Variants in GSK3B observed in about 807,000 individuals in gnomAD.
The protein encoded by GSK3B is glycogen synthase kinase 3 beta, also known as glycogen synthase kinase-3 beta.
A neutral mutation model predicts 56.4 loss-of-function variants in GSK3B; 15 were observed. That is an observed-to-expected ratio of 0.27 (90% confidence interval 0.18 to 0.41). The LOEUF (loss-of-function observed/expected upper bound fraction) is 0.41. Among genes scored for constraint, GSK3B ranks in the 10% least tolerant of loss-of-function variants. GSK3B has a pLI of 1.00. For missense variants in GSK3B, 300 were observed against 513.4 expected, an observed-to-expected ratio of 0.58 and a Z score of 4.02; for synonymous variants, 181 against 188.9, an observed-to-expected ratio of 0.96 and a Z score of 0.34.
chr3:119,876,979 T>A (rs1005586535), intron 7 of GSK3B, among the ~76,000 whole-genome samples: 1 of 152,154 alleles, frequency 6.6e-6, no homozygotes, highest in Non-Finnish European at 1.5e-5. Context: ...TGTTTATATA[T>A]TATCCAGTCT....
chr3:119,952,540 C>A (rs2057168615), intron 2 of GSK3B, among the ~76,000 whole-genome samples: 2 of 148,310 alleles, frequency 1.3e-5, no homozygotes, highest in Non-Finnish European at 3.0e-5. Flanking sequence ...ATCAATGAAC[C>A]CAAAATATGA....
Position 119,824,054 on chromosome 3 carries a change from TC to T in GSK3B, c.*2733del, listed in dbSNP as rs2107988812. The T allele has an allele frequency of 4.9e-6, 1 of 203,300 alleles. No individual in the cohort carries two copies. The highest frequency in any genetic ancestry group is 1.9e-4 in the South Asian group (1 of 5,260). 12.6% of individuals were successfully genotyped at this position (203,300 alleles called of 1,614,324 possible). A position where few individuals can be genotyped will look rare whatever the true frequency, so the allele number is the denominator to read the frequency against. ...AAACTATATGGCTTTAAAAAGCTCGTCTACATTTTGTCTGATTATTAAACAG... is the reference window on the plus strand; with the variant it reads ...AAACTATATGGCTTTAAAAAGCTCGTTACATTTTGTCTGATTATTAAACAG... On this transcript the variant is annotated 3_prime_UTR_variant, in exon 11 of 11. Transcript: ENST00000264235.
chr3:119,862,524 T>TAAAA (rs5852229), intron 9 of GSK3B, among the ~76,000 whole-genome samples: 364 of 109,860 alleles, frequency 3.3e-3, no homozygotes, highest in East Asian at 4.8e-3. Context: ...TAGAGTATAA[T>TAAAA]AAAAAAAAAA....
chr3:119,839,568 G>A (rs542257245), intron 10 of GSK3B, among the ~76,000 whole-genome samples: 2 of 152,260 alleles, frequency 1.3e-5, no homozygotes, highest in African/African-American at 4.8e-5. Context: ...ATGATGCTGA[G>A]CAACAACAGG....
chr3:119,981,523 C>T (rs563916018), intron 2 of GSK3B, among the ~76,000 whole-genome samples: 1 of 152,362 alleles, frequency 6.6e-6, no homozygotes, highest in African/African-American at 2.4e-5. Context: ...GTCTTAGCAC[C>T]CGCTGACAAG....
At chr3:119,954,949 G>A (rs955978730) in intron 2 of GSK3B, among the ~76,000 whole-genome samples, 3 of 152,120 alleles carry the variant, frequency 2.0e-5, no homozygotes, top group African/African-American at 7.2e-5. Context: ...TGTATGATGG[G>A]CAGCATGTGG....
intron 8 of GSK3B, among the ~76,000 whole-genome samples, chr3:119,871,018 A>C (rs1223611555): frequency 6.6e-6 from 1 of 152,208 alleles, no homozygotes; most frequent in Admixed American, 6.5e-5. Flanking sequence ...AGGCATTTTA[A>C]TAATACATTG....
In GSK3B at chr3:120,079,305, T is replaced by TACAC. The variant is rs61338597; in HGVS notation, c.88+14038_88+14041dup. On this transcript the variant is annotated intron_variant, in intron 1 of 10. Coordinates refer to ENST00000264235, the MANE Select transcript of GSK3B (RefSeq NM_001146156.2). ...ATTTTCTACAACCTTGACAGGAAATTACACACACACACACACACACACACA... is the reference window on the plus strand; with the variant it reads ...ATTTTCTACAACCTTGACAGGAAATTACACACACACACACACACACACACACACA... Among the ~76,000 whole-genome samples the TACAC allele has an allele frequency of 2.1e-3, 269 of 128,476 alleles. 2 individuals carry two copies. Among genetic ancestry groups the TACAC allele is most frequent in the East Asian group, 0.018 (73 of 4,064 alleles). The allele number at this position is 128,476 out of a possible 152,430, so 84.3% of individuals were successfully genotyped here.
chr3:119,978,385 T>C (rs1482775790), intron 2 of GSK3B, among the ~76,000 whole-genome samples: 2 of 152,180 alleles, frequency 1.3e-5, no homozygotes, highest in Non-Finnish European at 2.9e-5. Flanking sequence ...ATATTCTTAG[T>C]CTGTAAAAGG....
chr3:120,004,024 G>A (rs1190828979), intron 1 of GSK3B, among the ~76,000 whole-genome samples: 5 of 152,230 alleles, frequency 3.3e-5, no homozygotes, highest in East Asian at 3.8e-4. Flanking sequence ...GTACCTGGAG[G>A]AGCGATACAC....
chr3:119,863,774 T>G (rs950874767), intron 8 of GSK3B, among the ~76,000 whole-genome samples, 169 bp from the exon 9 acceptor site: 1 of 152,150 alleles, frequency 6.6e-6, no homozygotes, highest in African/African-American at 2.4e-5. Context: ...CAGGGGTGAA[T>G]TGCTAATTAA....
At chr3:119,905,674 T>C (rs1425527769) in intron 7 of GSK3B, 81 bp downstream of exon 7, 1 of 792,034 alleles carries the variant, frequency 1.3e-6, no homozygotes, top group Admixed American at 1.9e-5. Flanking sequence ...AAGTTTCTCG[T>C]ATGTGTACAT....
intron 1 of GSK3B, among the ~76,000 whole-genome samples, chr3:120,008,349 A>G (rs552336720): frequency 7.0e-4 from 106 of 152,332 alleles, no homozygotes; most frequent in Non-Finnish European, 1.3e-3. Flanking sequence ...ACAGAATTGG[A>G]AAAAACTACT....
At chr3:119,830,106 A>G (rs566323750) in intron 10 of GSK3B, among the ~76,000 whole-genome samples, 54 of 152,244 alleles carry the variant, frequency 3.5e-4, no homozygotes, top group Non-Finnish European at 7.1e-4. Flanking sequence ...TCAATACTCA[A>G]TAGTAGGTTT....
intron 2 of GSK3B, among the ~76,000 whole-genome samples, chr3:119,964,842 C>T (rs973510393): frequency 6.6e-6 from 1 of 152,110 alleles, no homozygotes; most frequent in African/African-American, 2.4e-5. Flanking sequence ...ATTATCTTGG[C>T]TGTGGTGATG....
At chr3:119,928,531 G>A (rs1375206248) in intron 3 of GSK3B, among the ~76,000 whole-genome samples, 2 of 146,870 alleles carry the variant, frequency 1.4e-5, no homozygotes, top group Non-Finnish European at 1.5e-5. Flanking sequence ...CTTGAACCCA[G>A]GAGGCAGAGG....
chr3:119,874,862 T>C (rs560319782), intron 8 of GSK3B, among the ~76,000 whole-genome samples: 5 of 152,228 alleles, frequency 3.3e-5, no homozygotes, highest in African/African-American at 9.6e-5. Context: ...GCTGAAGTCA[T>C]AGTATACTAC....
At chr3:119,888,910 A>C (rs1204558710) in intron 7 of GSK3B, among the ~76,000 whole-genome samples, 1 of 152,036 alleles carries the variant, frequency 6.6e-6, no homozygotes. Context: ...CCTCAGGCTT[A>C]GCAGGGTGGG....
chr3:120,014,132 CAA>C (rs886541816), intron 1 of GSK3B, among the ~76,000 whole-genome samples: 36 of 77,472 alleles, frequency 4.6e-4, no homozygotes, highest in Middle Eastern at 9.8e-3. Context: ...GAGACTCTGT[CAA>C]AAAAAAAAAA....
Sources: allele counts gnomAD v4.1 joint callset (sites outside exome capture counted in the v4.1 genomes callset), GRCh38; gene constraint gnomAD v4.1.1; transcripts MANE v1.5; gene names NCBI Gene and HGNC (gene_info 2026-07-23, HGNC 2026-07-21).